The following TTC28 variants were observed in gnomAD, a reference collection of about 807,000 sequenced individuals.
TTC28 encodes tetratricopeptide repeat protein 28.
Under a neutral mutation model 198.0 loss-of-function variants are expected in TTC28, and 61 were observed. That is an observed-to-expected ratio of 0.31 (90% confidence interval 0.25 to 0.38). TTC28 has a LOEUF of 0.38. TTC28 is among the 10% of genes least tolerant of loss of function. The pLI, the probability that TTC28 is intolerant of heterozygous loss-of-function variation, is 1.00. For missense variants in TTC28, 2,678 were observed against 3,164.0 expected, an observed-to-expected ratio of 0.85 and a Z score of 3.69; for synonymous variants, 1,171 against 1,297.8, an observed-to-expected ratio of 0.90 and a Z score of 2.10.
chr22:28,082,965 AGTCTTGGTAG>A (rs1164737642), intron 12 of TTC28, among the ~76,000 whole-genome samples: 1 of 152,078 alleles, frequency 6.6e-6, no homozygotes, highest in Non-Finnish European at 1.5e-5. Context: ...TTCATGATTC[AGTCTTGGTAG>A]GTCATTCAAA....
intron 2 of TTC28, among the ~76,000 whole-genome samples, chr22:28,467,624 A>G (rs1451426685): frequency 2.6e-5 from 4 of 152,230 alleles, no homozygotes; most frequent in Non-Finnish European, 5.9e-5. Context: ...CAGATTCTCA[A>G]TTAGTCTTCA....
At chr22:28,387,334 T>C (rs1207754120) in intron 2 of TTC28, among the ~76,000 whole-genome samples, 1 of 152,236 alleles carries the variant, frequency 6.6e-6, no homozygotes, top group African/African-American at 2.4e-5. Context: ...AGCAGCATGA[T>C]TTATAGTCCT....
chr22:28,505,513 C>A (rs1601482397), intron 2 of TTC28, among the ~76,000 whole-genome samples: 2 of 152,234 alleles, frequency 1.3e-5, no homozygotes, highest in Admixed American at 1.3e-4. Flanking sequence ...ACCCCCACCC[C>A]CAGCCAAGGG....
chr22:28,644,971 C>A (rs1454683697), intron 1 of TTC28, among the ~76,000 whole-genome samples: 1 of 151,754 alleles, frequency 6.6e-6, no homozygotes, highest in African/African-American at 2.4e-5. Flanking sequence ...CAGTGAAACC[C>A]CATCTCTACT....
chr22:28,339,232 C>A (rs557276572), intron 2 of TTC28, among the ~76,000 whole-genome samples: 1 of 152,108 alleles, frequency 6.6e-6, no homozygotes, highest in South Asian at 2.1e-4. Context: ...AAATGTTGCT[C>A]CCTGATCGTT....
At chr22:28,226,282 T>C (rs1229577514) in intron 5 of TTC28, among the ~76,000 whole-genome samples, 2 of 152,216 alleles carry the variant, frequency 1.3e-5, no homozygotes, top group Non-Finnish European at 2.9e-5. Flanking sequence ...GTTCTAGTTC[T>C]TCCATATCCT....
At chr22:28,634,639 G>A (rs1411172664) in intron 1 of TTC28, among the ~76,000 whole-genome samples, 1 of 150,458 alleles carries the variant, frequency 6.6e-6, no homozygotes, top group East Asian at 2.0e-4. Flanking sequence ...TGGCTGGAGG[G>A]CAGCGGAGTG....
intron 2 of TTC28, among the ~76,000 whole-genome samples, chr22:28,472,564 G>A (rs1338409561): frequency 6.6e-6 from 1 of 151,126 alleles, no homozygotes; most frequent in Non-Finnish European, 1.5e-5. Flanking sequence ...GTGTGTGTGT[G>A]TGTGTGTGTG....
intron 2 of TTC28, among the ~76,000 whole-genome samples, chr22:28,338,743 A>G (rs1381195116): frequency 2.0e-5 from 3 of 151,666 alleles, no homozygotes; most frequent in Admixed American, 6.6e-5. Flanking sequence ...CATTTGTCTA[A>G]TTTTTTTTCA....
At chr22:28,487,373 T>C (rs2048325722) in intron 2 of TTC28, among the ~76,000 whole-genome samples, 1 of 151,890 alleles carries the variant, frequency 6.6e-6, no homozygotes, top group Non-Finnish European at 1.5e-5. Flanking sequence ...AATATATAAA[T>C]ATACACATAA....
At chr22:28,100,969 A>G (rs1190882358) in intron 9 of TTC28, among the ~76,000 whole-genome samples, 1 of 152,236 alleles carries the variant, frequency 6.6e-6, no homozygotes, top group Admixed American at 6.5e-5. Context: ...TAAGAAATTG[A>G]GAAATCTATC....
At chr22:28,469,724 G>C (rs570902491) in intron 2 of TTC28, among the ~76,000 whole-genome samples, 2 of 152,320 alleles carry the variant, frequency 1.3e-5, no homozygotes, top group South Asian at 2.1e-4. Context: ...AGCCTCCAGA[G>C]GGAACACAGC....
chr22:28,274,976 TAAAAAAAAAAAAA>T (rs34582010), intron 5 of TTC28, among the ~76,000 whole-genome samples: 1 of 77,876 alleles, frequency 1.3e-5, no homozygotes, highest in Non-Finnish European at 2.5e-5. Context: ...GAGACTGTCT[TAAAAAAAAAAAAA>T]AAAAAAAAAA....
chr22:28,663,247 C>CA (rs527687773), intron 1 of TTC28, among the ~76,000 whole-genome samples: 3,809 of 65,434 alleles, frequency 0.058, 78 homozygotes, highest in Non-Finnish European at 0.076. Context: ...AACTCCGTCT[C>CA]AAAAAAAAAA....
intron 2 of TTC28, among the ~76,000 whole-genome samples, chr22:28,339,979 C>T (rs977180587): frequency 2.6e-5 from 4 of 152,168 alleles, no homozygotes; most frequent in Non-Finnish European, 5.9e-5. Context: ...TCTTCTGCGT[C>T]GCCTACGCTG....
intron 2 of TTC28, among the ~76,000 whole-genome samples, chr22:28,567,915 T>G (rs1368850526): frequency 6.6e-6 from 1 of 152,012 alleles, no homozygotes; most frequent in African/African-American, 2.4e-5. Context: ...CAAGAAGACA[T>G]TTACAAAATA....
intron 2 of TTC28, among the ~76,000 whole-genome samples, chr22:28,408,772 G>A (rs1320042059): frequency 6.6e-6 from 1 of 152,156 alleles, no homozygotes; most frequent in Admixed American, 6.5e-5. Context: ...AACATGTGTT[G>A]GAAAGTAACC....
At chr22:28,230,928 T>C (rs1183357349) in intron 5 of TTC28, among the ~76,000 whole-genome samples, 2 of 152,220 alleles carry the variant, frequency 1.3e-5, no homozygotes, top group Non-Finnish European at 2.9e-5. Flanking sequence ...TGTGTGCACC[T>C]ATGTGGGAAG....
intron 15 of TTC28, chr22:28,000,149 CTG>C: frequency 6.6e-6 from 1 of 152,336 alleles, no homozygotes; most frequent in South Asian, 2.1e-4. Context: ...CGCTTCCTAT[CTG>C]GGATTCAGAA....
Sources: gnomAD v4.1 joint callset for allele counts (sites outside exome capture counted in the v4.1 genomes callset) on GRCh38, gnomAD v4.1.1 for gene constraint, MANE v1.5 for transcripts, NCBI Gene and HGNC (gene_info 2026-07-23, HGNC 2026-07-21) for gene names.